Variants in DPF1 observed in about 807,000 individuals in gnomAD.
DPF1 encodes the protein zinc finger protein neuro-d4.
Under a neutral mutation model 58.7 loss-of-function variants are expected in DPF1, and 14 were observed. The observed-to-expected ratio is 0.24, with a 90% CI of 0.16 to 0.37. DPF1 has a LOEUF of 0.37. DPF1 is among the 10% of genes least tolerant of loss of function. DPF1 has a pLI of 1.00. For synonymous variants in DPF1, 216 were observed against 216.0 expected (o/e 1.00, Z 0.00); for missense variants, 345 against 529.9 (o/e 0.65, Z 3.43).
At position 38,222,577 on chromosome 19, in the gene DPF1, A is replaced by G; in HGVS notation, c.161T>C (p.Ile54Thr). The G allele has an allele frequency of 6.2e-7, 1 of 1,611,630 alleles. No individual in the cohort carries two copies. The highest frequency in any genetic ancestry group is 8.5e-7 in the Non-Finnish European group (1 of 1,179,082). ...QTGVAQNNCY[I>T]WMEKTHRGPG... ...CCCGCGGTGGGTCTTCTCCATCCAG[A>G]TGTAGCAGTTGTTCTGGGCCACGCC... is the stretch of plus-strand genomic sequence containing the variant. Residue 54 changes from isoleucine to threonine, a missense_variant, in exon 2 of 12, where the codon ATC becomes ACC. Physicochemically the swap from Ile to Thr is moderately conservative, Grantham distance 89. Coordinates refer to ENST00000355526, the MANE Select transcript of DPF1 (RefSeq NM_001135155.3). The surrounding 1 kb of genome is among the most constrained non-coding windows in gnomAD (Gnocchi z 4.9).
At chr19:38,213,202 T>G (rs1473560671) in intron 10 of DPF1, among the ~76,000 whole-genome samples, 1 of 151,592 alleles carries the variant, frequency 6.6e-6, no homozygotes, top group Non-Finnish European at 1.5e-5. Flanking sequence ...CTCAAACTCC[T>G]GATCTCAGGT....
In DPF1 at chr19:38,212,027, G is replaced by A. The variant is rs373154952; in HGVS notation, c.*36C>T. The stretch of plus-strand genomic sequence containing the variant: ...GAGGAGCTCGGAGAGGCAGGTAGGC[G>A]AGCACCACCCCAGAGTCGCGGCGAG... On this transcript the variant is annotated 3_prime_UTR_variant, in exon 12 of 12. Transcript: ENST00000355526. 2.5e-6 allele frequency: 4 copies of A among 1,597,168 alleles called. No individual in the cohort carries two copies. The South Asian group carries it at 3.4e-5, about 14-fold the overall frequency.
chr19:38,226,332 C>T (rs1967818077), upstream of DPF1, among the ~76,000 whole-genome samples: 1 of 146,796 alleles, frequency 6.8e-6, no homozygotes, highest in South Asian at 2.3e-4. Context: ...CCCTGTAGAG[C>T]CAGCATTCAA....
rs1167994408 is a variant in DPF1, at chr19:38,229,247, G to A, written c.-132+312C>T. On this transcript the variant is annotated intron_variant, in intron 1 of 11. Transcript: ENST00000412732. This position sits in a 1 kb window ranked among gnomAD's most constrained non-coding sequence, Gnocchi z 5.3. ...CCCGGCACCTCCGGAGACCCTGAGGGAGAGATGGAGGAGAGGGAAACCCCT... is the reference window on the plus strand; with the variant it reads ...CCCGGCACCTCCGGAGACCCTGAGGAAGAGATGGAGGAGAGGGAAACCCCT... 6.6e-6 allele frequency among the ~76,000 whole-genome samples: 1 copy of A among 152,084 alleles called. No homozygotes were observed. Among genetic ancestry groups the A allele is most frequent in the Non-Finnish European group, 1.5e-5 (1 of 67,976 alleles).
chr19:38,212,541 T>C, intron 10 of DPF1, 180 bp from the exon 11 acceptor site: 1 of 489,992 alleles, frequency 2.0e-6, no homozygotes, highest in Non-Finnish European at 3.6e-6. Flanking sequence ...CAAACACATA[T>C]CCCTCAGGAC....
Position 38,213,691 on chromosome 19 carries a change from A to G in DPF1, c.964T>C (p.Cys322Arg). 1 of 1,613,886 alleles carries G rather than the reference A, an allele frequency of 6.2e-7. No individual in the cohort carries two copies. The highest frequency in any genetic ancestry group is 8.5e-7 in the Non-Finnish European group (1 of 1,179,854). The change falls in exon 10 of 12, where the codon TGC (cysteine) becomes CGC (arginine). Residue 322 changes from cysteine to arginine, a missense_variant. Transcript: ENST00000355526. ...TAAVRTYRWQ[C>R]IECKSCSLCG... ...AGGCTGCAGGATTTGCACTCGATGCACTGCCAGCGGTAGGTCCGCACGGCT... is the reference window on the plus strand; with the variant it reads ...AGGCTGCAGGATTTGCACTCGATGCGCTGCCAGCGGTAGGTCCGCACGGCT...
At chr19:38,225,577 A>G (rs1394808575), upstream of DPF1, among the ~76,000 whole-genome samples, 1 of 149,290 alleles carries the variant, frequency 6.7e-6, no homozygotes, top group Non-Finnish European at 1.5e-5. Context: ...TCTAAAAGCA[A>G]ACAAACAAAC....
chr19:38,217,350 G>C (rs960396364), intron 7 of DPF1, 110 bp downstream of exon 7: 5 of 1,402,590 alleles, frequency 3.6e-6, no homozygotes, highest in Non-Finnish European at 3.8e-6. Context: ...GAACGGCTGA[G>C]CTGGAGATTT....
At chr19:38,223,909 C>T (rs918763321) in intron 1 of DPF1, 4 of 563,538 alleles carry the variant, frequency 7.1e-6, no homozygotes, top group Non-Finnish European at 1.1e-5. Flanking sequence ...AGGCCCCCCA[C>T]GCCCTCCACC....
At chr19:38,217,334 G>A (rs1967095563) in intron 7 of DPF1, 126 bp downstream of exon 7, 3 of 1,316,718 alleles carry the variant, frequency 2.3e-6, no homozygotes, top group African/African-American at 1.5e-5. Context: ...GGTCGGTGGG[G>A]GGAGGGAACG....
chr19:38,212,052 GCC>G lies in DPF1; in HGVS notation c.*9_*10del, dbSNP rs754501506. ...GAGCACCACCCCAGAGTCGCGGCGAGCCGAGCCGGCCTAGGTGAGGGTGATGT... is the reference window on the plus strand; with the variant it reads ...GAGCACCACCCCAGAGTCGCGGCGAGGAGCCGGCCTAGGTGAGGGTGATGT... On this transcript the variant is annotated 3_prime_UTR_variant, in exon 12 of 12. Coordinates refer to ENST00000355526, the MANE Select transcript of DPF1 (RefSeq NM_001135155.3). 1.2e-6 allele frequency: 2 copies of G among 1,606,932 alleles called. No individual in the cohort carries two copies. Among genetic ancestry groups the G allele is most frequent in the African/African-American group, 2.7e-5 (2 of 74,916 alleles).
chr19:38,225,051 G>A (rs1967756918), upstream of DPF1, among the ~76,000 whole-genome samples: 1 of 152,158 alleles, frequency 6.6e-6, no homozygotes, highest in Middle Eastern at 3.2e-3. Flanking sequence ...GGGAGTTCGA[G>A]ACCAGCCTGG....
In DPF1 at chr19:38,222,862, A is replaced by G. The variant is rs2278433; in HGVS notation, c.30-154T>C. 0.19 allele frequency: 216,741 copies of G among 1,149,822 alleles called. 21,228 individuals are homozygous for G. Among genetic ancestry groups the G allele is most frequent in the African/African-American group, 0.23 (13,671 of 60,692 alleles). The allele number at this position is 1,149,822 out of a possible 1,614,324, so 71.2% of individuals were successfully genotyped here. A position where few individuals can be genotyped will look rare whatever the true frequency, so the allele number is the denominator to read the frequency against. On this transcript the variant is annotated intron_variant, in intron 1 of 11. Transcript: ENST00000355526. This position sits in a 1 kb window ranked among gnomAD's most constrained non-coding sequence, Gnocchi z 4.9. ...CTCCCCTCCTCCCACTCCGGGACCC[A>G]GGCTGGGGGAAGGGGACAGGGCCCA... is the stretch of plus-strand genomic sequence containing the variant.
chr19:38,214,126 G>A (rs116948850), intron 9 of DPF1: 41 of 199,248 alleles, frequency 2.1e-4, no homozygotes, highest in Non-Finnish European at 3.0e-4. Flanking sequence ...AGAACGGCCA[G>A]GGGTCCTGTT....
At chr19:38,217,902 G>C (rs1304583385) in intron 5 of DPF1, 26 bp from the exon 6 acceptor site, 1 of 1,613,188 alleles carries the variant, frequency 6.2e-7, no homozygotes, top group Non-Finnish European at 8.5e-7. Flanking sequence ...GGAGTGAGGG[G>C]CCAAGAAAGT....
Position 38,217,503 on chromosome 19 carries a change from G to T in DPF1, c.684C>A (p.Ala228=). 6.4e-7 allele frequency: 1 copy of T among 1,551,312 alleles called. No individual in the cohort carries two copies. The highest frequency in any genetic ancestry group is 8.7e-7 in the Non-Finnish European group (1 of 1,146,920). Residue 228 remains alanine, a synonymous_variant, in exon 7 of 12, where the codon GCC becomes GCA. Coordinates refer to ENST00000355526, the MANE Select transcript of DPF1 (RefSeq NM_001135155.3). ...GGTGGAAGGGCAGGGCGTGGCGTTCGGCGTTCTCCTCCCCCTCCTCCTCGG... is the reference window on the plus strand; with the variant it reads ...GGTGGAAGGGCAGGGCGTGGCGTTCTGCGTTCTCCTCCCCCTCCTCCTCGG... ...HLAEEEGEEN[A]ERHALPFHRK...
At position 38,224,097 on chromosome 19, in the gene DPF1, C is replaced by G. The variant is rs1967698679; in HGVS notation, c.29+17G>C. The G allele has an allele frequency of 1.3e-6, 2 of 1,502,124 alleles. No homozygotes were observed. Among genetic ancestry groups the G allele is most frequent in the Non-Finnish European group, 1.8e-6 (2 of 1,137,336 alleles). 93.0% of individuals were successfully genotyped at this position (1,502,124 alleles called of 1,614,324 possible). A position where few individuals can be genotyped will look rare whatever the true frequency, so the allele number is the denominator to read the frequency against. ...CCCGCCCGCGCTTCCTCTCCGCCTC[C>G]CGCCGGCCCGCACCACCTCAGGGGG... On this transcript the variant is annotated intron_variant, in intron 1 of 11. Coordinates refer to ENST00000355526, the MANE Select transcript of DPF1 (RefSeq NM_001135155.3). This position sits in a 1 kb window ranked among gnomAD's most constrained non-coding sequence, Gnocchi z 4.5.
chr19:38,218,791 T>A (rs570211797), intron 4 of DPF1, 129 bp from the exon 5 acceptor site: 1 of 1,529,356 alleles, frequency 6.5e-7, no homozygotes, highest in East Asian at 2.3e-5. Flanking sequence ...AGAGATGAAG[T>A]CTGGGAGGAT....
chr19:38,226,996 TCC>T (rs1967853846), upstream of DPF1, among the ~76,000 whole-genome samples: 1 of 78,654 alleles, frequency 1.3e-5, no homozygotes, highest in African/African-American at 8.4e-5. Flanking sequence ...TTATTTCTCT[TCC>T]TTCCTTCCTT....
Sources: allele counts gnomAD v4.1 joint callset (sites outside exome capture counted in the v4.1 genomes callset), GRCh38; gene constraint gnomAD v4.1.1; non-coding constraint Gnocchi (gnomAD v3.1); transcripts MANE v1.5; gene names NCBI Gene and HGNC (gene_info 2026-07-23, HGNC 2026-07-21).